Variants in PKHD1 observed in about 807,000 individuals in gnomAD.
PKHD1 encodes the protein PKHD1 ciliary IPT domain containing fibrocystin/polyductin.
In PKHD1, 291 loss-of-function variants were observed where a neutral mutation model predicts 412.0. The observed-to-expected ratio is 0.71, with a 90% CI of 0.64 to 0.78. The LOEUF is 0.78. Ranked by LOEUF, PKHD1 falls within the 30% of genes least tolerant of loss-of-function variation. The pLI, the probability that PKHD1 is intolerant of heterozygous loss-of-function variation, is 0.00. For synonymous variants in PKHD1, 1,777 were observed against 1,821.5 expected (o/e 0.98, Z 0.62); for missense variants, 4,825 against 4,950.7 (o/e 0.97, Z 0.76).
intron 43 of PKHD1, among the ~76,000 whole-genome samples, chr6:51,889,307 A>C (rs1401161656): frequency 1.3e-5 from 2 of 152,170 alleles, no homozygotes; most frequent in Non-Finnish European, 2.9e-5. Flanking sequence ...CCACTCAACA[A>C]GACATTAAAT....
intron 46 of PKHD1, among the ~76,000 whole-genome samples, chr6:51,881,727 C>T (rs1222546124): frequency 6.6e-6 from 1 of 152,134 alleles, no homozygotes; most frequent in Admixed American, 6.6e-5. Context: ...CTCCATTTTC[C>T]CCTAAGTTCA....
intron 57 of PKHD1, 101 bp downstream of exon 57, chr6:51,753,100 A>G: frequency 9.5e-7 from 1 of 1,055,542 alleles, no homozygotes; most frequent in South Asian, 1.4e-5. Flanking sequence ...TCATTTGAAC[A>G]TTTTGTTTTA....
rs764714707 is a variant in PKHD1, at chr6:52,060,007, G to A, written c.1154C>T (p.Thr385Ile). 1.2e-6 allele frequency: 2 copies of A among 1,611,134 alleles called. No individual in the cohort carries two copies. The highest frequency in any genetic ancestry group is 2.2e-5 in the East Asian group (1 of 44,884). Residue 385 changes from threonine to isoleucine, a missense_variant, in exon 15 of 67, where the codon ACA becomes ATA. Physicochemically the swap from Thr to Ile is moderately conservative, Grantham distance 89. Transcript: ENST00000371117. Reference sequence around the variant, plus strand: ...CTGAATCCAGAAAGTGTAATTATTTGTCTCTGGAGCCACAAAGAACCCACT... The same window carrying A: ...CTGAATCCAGAAAGTGTAATTATTTATCTCTGGAGCCACAAAGAACCCACT... ...RLSGFFVAPE[T>I]NNYTFWIQAD...
chr6:52,011,391 C>T (rs140731336), intron 34 of PKHD1, among the ~76,000 whole-genome samples: 2 of 152,272 alleles, frequency 1.3e-5, no homozygotes, highest in East Asian at 3.9e-4. Flanking sequence ...CTCATTTCAG[C>T]CTATAAATTA....
chr6:51,995,617 T>G (rs371139916), intron 35 of PKHD1, among the ~76,000 whole-genome samples: 2 of 152,336 alleles, frequency 1.3e-5, no homozygotes, highest in East Asian at 3.9e-4. Context: ...CTAGGGAGTT[T>G]CCAGGTAATT....
At chr6:52,007,659 A>G (rs1799262382) in intron 35 of PKHD1, among the ~76,000 whole-genome samples, 1 of 152,216 alleles carries the variant, frequency 6.6e-6, no homozygotes, top group Non-Finnish European at 1.5e-5. Flanking sequence ...GGTTTGGGTG[A>G]TAAATTACAT....
At chr6:51,717,094 T>C (rs1406645872) in intron 60 of PKHD1, among the ~76,000 whole-genome samples, 1 of 152,214 alleles carries the variant, frequency 6.6e-6, no homozygotes, top group Non-Finnish European at 1.5e-5. Flanking sequence ...TCCTGATTAA[T>C]GCAGTCACTA....
At chr6:51,911,420 T>C (rs1299207963) in intron 39 of PKHD1, among the ~76,000 whole-genome samples, 1 of 152,134 alleles carries the variant, frequency 6.6e-6, no homozygotes, top group Non-Finnish European at 1.5e-5. Context: ...TCAGTAAGAA[T>C]GTGCTGCCTG....
intron 60 of PKHD1, among the ~76,000 whole-genome samples, chr6:51,733,307 G>A (rs539119427): frequency 1.3e-5 from 2 of 152,224 alleles, no homozygotes; most frequent in South Asian, 2.1e-4. Context: ...TTGGGAGAAC[G>A]AGATGGGCGG....
rs1057516588 is a variant in PKHD1 at position 51,883,092 on chromosome 6, C to A, written c.7350+1G>T. The A allele has an allele frequency of 1.9e-6, 3 of 1,612,862 alleles. No homozygotes were observed. In the South Asian group the frequency reaches 3.3e-5, roughly 18 times the overall value. The stretch of plus-strand genomic sequence containing the variant: ...TAAAACAACCACACTAAGGCACTTA[C>A]CTTGTGGGCAAAATGACCAAGTAAT... On this transcript the variant is annotated splice_donor_variant, in intron 46 of 66. Coordinates refer to ENST00000371117, the MANE Select transcript of PKHD1 (RefSeq NM_138694.4). LOFTEE classifies it high-confidence loss of function.
intron 66 of PKHD1, among the ~76,000 whole-genome samples, chr6:51,625,237 C>A (rs1014464751): frequency 6.6e-6 from 1 of 152,046 alleles, no homozygotes; most frequent in African/African-American, 2.4e-5. Flanking sequence ...AGAGAGACAG[C>A]CAGTCACTTT....
At chr6:51,992,041 G>T (rs1417884836) in intron 35 of PKHD1, among the ~76,000 whole-genome samples, 1 of 152,204 alleles carries the variant, frequency 6.6e-6, no homozygotes, top group Non-Finnish European at 1.5e-5. Context: ...TCCCTGCTCT[G>T]CCACTTTCCA....
chr6:51,627,237 C>T (rs1767366306), intron 65 of PKHD1, 121 bp from the exon 66 acceptor site: 3 of 888,170 alleles, frequency 3.4e-6, no homozygotes, highest in African/African-American at 3.3e-5. Context: ...CAACAGAAAG[C>T]ATATAACATA....
In PKHD1 at chr6:51,795,420, C is replaced by T. The variant is rs570283845; in HGVS notation, c.8303-4047G>A. Among the ~76,000 whole-genome samples the T allele has an allele frequency of 2.6e-5, 4 of 152,250 alleles. No individual in the cohort carries two copies. The South Asian group carries it at 8.3e-4, about 32-fold the overall frequency. ...TGAAGTTGCTTATCAGCTTAAGAAGCTTTTGGGCTGAAACAATAGGGTTTT... is the reference window on the plus strand; with the variant it reads ...TGAAGTTGCTTATCAGCTTAAGAAGTTTTTGGGCTGAAACAATAGGGTTTT... On this transcript the variant is annotated intron_variant, in intron 52 of 66. Transcript: ENST00000371117.
intron 60 of PKHD1, among the ~76,000 whole-genome samples, chr6:51,743,622 G>C (rs1379566891): frequency 1.3e-5 from 2 of 152,140 alleles, no homozygotes; most frequent in African/African-American, 4.8e-5. Context: ...AAGGAAAAAG[G>C]TCTCAGGACA....
At chr6:51,989,112 G>A (rs776079936) in intron 35 of PKHD1, among the ~76,000 whole-genome samples, 5 of 152,078 alleles carry the variant, frequency 3.3e-5, no homozygotes, top group Admixed American at 1.3e-4. Context: ...TTCATGCTGC[G>A]AATCCACTCC....
chr6:51,842,151 A>T (rs1455475774), intron 50 of PKHD1, among the ~76,000 whole-genome samples: 2 of 152,126 alleles, frequency 1.3e-5, no homozygotes, highest in South Asian at 2.1e-4. Context: ...TTTTTTTCTC[A>T]GTCAGATCAG....
chr6:51,773,438 G>A (rs1422704841), intron 54 of PKHD1, among the ~76,000 whole-genome samples: 1 of 151,232 alleles, frequency 6.6e-6, no homozygotes, highest in East Asian at 1.9e-4. Flanking sequence ...ATATTCTAGT[G>A]GTTTAAAATG....
chr6:51,676,411 C>T (rs1340313923), intron 60 of PKHD1, among the ~76,000 whole-genome samples: 1 of 151,986 alleles, frequency 6.6e-6, no homozygotes, highest in Non-Finnish European at 1.5e-5. Context: ...TGAAATACAT[C>T]AACATTAATG....
Sources: gnomAD v4.1 joint callset for allele counts (sites outside exome capture counted in the v4.1 genomes callset) on GRCh38, gnomAD v4.1.1 for gene constraint, MANE v1.5 for transcripts, NCBI Gene and HGNC (gene_info 2026-07-23, HGNC 2026-07-21) for gene names.